AXDND1: variants seen among roughly 807,000 people sequenced by gnomAD.
AXDND1 encodes axonemal dynein light chain domain containing 1.
Under a neutral mutation model 137.5 loss-of-function variants are expected in AXDND1, and 110 were observed. The ratio of observed to expected loss-of-function variants is 0.80; its 90% CI spans 0.69 to 0.94. The LOEUF (loss-of-function observed/expected upper bound fraction) is 0.94. AXDND1 is among the 40% of genes least tolerant of loss of function. The pLI is 0.00. For synonymous variants in AXDND1, 414 were observed against 399.7 expected (o/e 1.04, Z -0.43); for missense variants, 1,191 against 1,169.8 (o/e 1.02, Z -0.26).
At chr1:179,382,276 TC>T (rs1261946485) in intron 6 of AXDND1, among the ~76,000 whole-genome samples, 2 of 151,904 alleles carry the variant, frequency 1.3e-5, no homozygotes, top group Admixed American at 1.3e-4. Flanking sequence ...AGACGGGGCT[TC>T]ATCATGTTGG....
At chr1:179,442,841 T>C (rs1206789886) in intron 15 of AXDND1, among the ~76,000 whole-genome samples, 1 of 152,054 alleles carries the variant, frequency 6.6e-6, no homozygotes, top group Non-Finnish European at 1.5e-5. Flanking sequence ...CTAGGGGGAC[T>C]GAACAAAGTG....
intron 20 of AXDND1, among the ~76,000 whole-genome samples, chr1:179,497,646 G>A (rs978177544): frequency 6.6e-6 from 1 of 152,062 alleles, no homozygotes. Context: ...CATAGCTCTG[G>A]AAGTGCTAGC....
chr1:179,490,325 C>T (rs6673985), intron 18 of AXDND1, among the ~76,000 whole-genome samples: 1 of 151,938 alleles, frequency 6.6e-6, no homozygotes, highest in Admixed American at 6.5e-5. Context: ...AACCAAACAG[C>T]GAAAGGGAGT....
intron 25 of AXDND1, among the ~76,000 whole-genome samples, chr1:179,541,404 T>G (rs951693304): frequency 2.0e-5 from 3 of 152,172 alleles, no homozygotes; most frequent in African/African-American, 7.2e-5. Context: ...ATCACCCGTC[T>G]TCTGCATTGA....
Position 179,385,351 on chromosome 1 carries a change from T to C in AXDND1, c.855T>C (p.Ser285=). Residue 285 remains serine, a synonymous_variant, in exon 9 of 26, where the codon TCT becomes TCC. Coordinates refer to ENST00000367618, the MANE Select transcript of AXDND1 (RefSeq NM_144696.6). ...GTGCAGACAGAGGAGAACTTCTGTC[T>C]AAAGTCAGGTTAGTGCTGTTATTGG... is the stretch of plus-strand genomic sequence containing the variant. ...VDCADRGELL[S]KVRERYVQML... 8 of 1,614,082 alleles carry C rather than the reference T, an allele frequency of 5.0e-6. No individual in the cohort carries two copies. Among genetic ancestry groups the C allele is most frequent in the Non-Finnish European group, 6.8e-6 (8 of 1,179,978 alleles).
intron 21 of AXDND1, among the ~76,000 whole-genome samples, chr1:179,511,287 GTA>G (rs113441523): frequency 2.0e-4 from 30 of 148,290 alleles, no homozygotes; most frequent in East Asian, 5.9e-4. Context: ...GGTAGTGTGT[GTA>G]TATATATATA....
chr1:179,371,110 A>G (rs1205366198), intron 4 of AXDND1, among the ~76,000 whole-genome samples: 1 of 152,108 alleles, frequency 6.6e-6, no homozygotes, highest in Admixed American at 6.6e-5. Flanking sequence ...GCTATATCTG[A>G]ATGTGGCACT....
intron 12 of AXDND1, 99 bp downstream of exon 12, chr1:179,411,365 G>C: frequency 6.8e-7 from 1 of 1,481,236 alleles, no homozygotes; most frequent in Non-Finnish European, 9.2e-7. Flanking sequence ...TGTTTTGAAA[G>C]AGTCTTACTC....
At chr1:179,366,671 C>T in intron 2 of AXDND1, 65 bp downstream of exon 2, 1 of 1,389,004 alleles carries the variant, frequency 7.2e-7, no homozygotes, top group Admixed American at 1.8e-5. Context: ...ACCTTCCATT[C>T]ACCGGTTTTT....
intron 11 of AXDND1, among the ~76,000 whole-genome samples, chr1:179,403,083 T>C (rs886334632): frequency 3.9e-5 from 6 of 152,192 alleles, no homozygotes; most frequent in South Asian, 2.1e-4. Context: ...TAATCACTAA[T>C]ATTCTATGGT....
intron 15 of AXDND1, among the ~76,000 whole-genome samples, chr1:179,437,127 G>A (rs905163492): frequency 2.0e-5 from 3 of 151,096 alleles, no homozygotes; most frequent in East Asian, 1.9e-4. Context: ...GGCAGTGAGT[G>A]TAACCCGCAC....
chr1:179,465,842 T>G (rs1378165522), intron 16 of AXDND1, among the ~76,000 whole-genome samples: 1 of 152,144 alleles, frequency 6.6e-6, no homozygotes, highest in Non-Finnish European at 1.5e-5. Context: ...TCCCCCAGCC[T>G]CGCTGCCACC....
At chr1:179,449,738 T>G (rs891724892) in intron 16 of AXDND1, 3 of 152,090 alleles carry the variant, frequency 2.0e-5, no homozygotes, top group African/African-American at 4.8e-5. Flanking sequence ...TTGTTAAATA[T>G]TTTTTTGAGT....
intron 25 of AXDND1, among the ~76,000 whole-genome samples, chr1:179,541,128 C>T (rs142308147): frequency 2.1e-4 from 32 of 152,334 alleles, no homozygotes; most frequent in African/African-American, 6.7e-4. Flanking sequence ...GTGGGGGACC[C>T]GCTGAGCCAG....
chr1:179,526,219 A>G (rs11580581), intron 22 of AXDND1, among the ~76,000 whole-genome samples: 74,562 of 151,662 alleles, frequency 0.49, 18,654 homozygotes, highest in East Asian at 0.55. Context: ...CAACCCCCGC[A>G]GGGGCATTTG....
intron 17 of AXDND1, among the ~76,000 whole-genome samples, chr1:179,478,184 A>T (rs1039555096): frequency 3.9e-5 from 6 of 152,120 alleles, no homozygotes; most frequent in African/African-American, 1.4e-4. Flanking sequence ...TGGTGGATCT[A>T]CCATTCTGGG....
chr1:179,435,391 C>T (rs1657997544), intron 15 of AXDND1, among the ~76,000 whole-genome samples: 1 of 152,098 alleles, frequency 6.6e-6, no homozygotes, highest in African/African-American at 2.4e-5. Flanking sequence ...CTAAGACAAT[C>T]CTAAGAAAAA....
chr1:179,519,831 G>A (rs1177409350), intron 21 of AXDND1, among the ~76,000 whole-genome samples: 1 of 151,954 alleles, frequency 6.6e-6, no homozygotes, highest in Non-Finnish European at 1.5e-5. Flanking sequence ...TGATGCTTTC[G>A]GCTTTGTTCT....
At chr1:179,496,849 A>G (rs1374983288) in intron 20 of AXDND1, among the ~76,000 whole-genome samples, 1 of 152,064 alleles carries the variant, frequency 6.6e-6, no homozygotes, top group African/African-American at 2.4e-5. Flanking sequence ...TTAGTAGTAC[A>G]AACTTTCTGT....
Sources: gnomAD v4.1 joint callset for allele counts (sites outside exome capture counted in the v4.1 genomes callset) on GRCh38, gnomAD v4.1.1 for gene constraint, MANE v1.5 for transcripts, NCBI Gene and HGNC (gene_info 2026-07-23, HGNC 2026-07-21) for gene names.